The following SPECC1L variants were observed in gnomAD, a reference collection of about 807,000 sequenced individuals.
SPECC1L encodes sperm antigen with calponin homology and coiled-coil domains 1 like.
SPECC1L carries 40 observed loss-of-function variants against 116.8 expected under a neutral mutation model. The ratio of observed to expected loss-of-function variants is 0.34; its 90% confidence interval spans 0.27 to 0.45. The LOEUF (loss-of-function observed/expected upper bound fraction) is 0.45, where lower values mean the gene tolerates loss of function less well. SPECC1L is among the 20% of genes least tolerant of loss of function. The pLI is 1.00. For missense variants in SPECC1L, 1,110 were observed against 1,373.6 expected (o/e 0.81, Z 3.03); for synonymous variants, 504 against 500.6 (o/e 1.01, Z -0.09).
In SPECC1L at chr22:24,321,464, T is replaced by A; in HGVS notation, c.484T>A (p.Cys162Ser). 6.2e-7 allele frequency: 1 copy of A among 1,614,264 alleles called. No homozygotes were observed. Among genetic ancestry groups the A allele is most frequent in the Non-Finnish European group, 8.5e-7 (1 of 1,180,052 alleles). The change falls in exon 5 of 17, where the codon TGT becomes AGT. Residue 162 changes from cysteine (C) to serine (S), a missense_variant. Physicochemically the swap from Cys to Ser is moderately radical, Grantham distance 112 (BLOSUM62 -1). This residue lies in a region of SPECC1L where 437 missense variants were observed against 482.6 expected (regional missense o/e 0.91). Coordinates refer to ENST00000314328, the MANE Select transcript of SPECC1L (RefSeq NM_015330.6). ...KRSRSRTATE[C>S]DVRMSKSKSD... ...TTCCCGCAGTCGAACTGCTACAGAA[T>A]GTGACGTTCGTATGAGCAAGTCTAA... is the stretch of plus-strand genomic sequence containing the variant.
At position 24,322,814 on chromosome 22, in the gene SPECC1L, G is replaced by A. The variant is rs1259281856; in HGVS notation, c.1834G>A (p.Val612Ile). 2 of 1,606,982 alleles carry A rather than the reference G, an allele frequency of 1.2e-6. No homozygotes were observed. The highest frequency in any genetic ancestry group is 3.4e-5 in the Admixed American group (2 of 59,328). Residue 612 changes from valine (V) to isoleucine (I), a missense_variant, in exon 5 of 17, where the codon GTC (valine) becomes ATC (isoleucine). Around this residue, in one of 4 missense-constraint regions of SPECC1L, gnomAD observed 575 missense variants for 682.4 expected, o/e 0.84. Coordinates refer to ENST00000314328, the MANE Select transcript of SPECC1L (RefSeq NM_015330.6). ...TGATATTCAGGACCTCCTGGAGAGT[G>A]TCAGGCTGGACAAAGAAAAAGCAGA... The part of the protein sequence containing the change: ...KSDIQDLLES[V>I]RLDKEKAETL...
At chr22:24,289,964 C>T (rs2049126298) in intron 2 of SPECC1L, among the ~76,000 whole-genome samples, 1 of 152,154 alleles carries the variant, frequency 6.6e-6, no homozygotes, top group Non-Finnish European at 1.5e-5. Context: ...CGGCTCTCTC[C>T]CCTTCACACA....
chr22:24,407,403 C>T (rs1031415898), intron 14 of SPECC1L, among the ~76,000 whole-genome samples: 118 of 152,116 alleles, frequency 7.8e-4, no homozygotes, highest in African/African-American at 2.8e-3. Context: ...CTTGAGGAAG[C>T]GGAGGGGGAA....
At chr22:24,348,277 A>G (rs916287088) in intron 11 of SPECC1L, among the ~76,000 whole-genome samples, 1 of 152,196 alleles carries the variant, frequency 6.6e-6, no homozygotes, top group Non-Finnish European at 1.5e-5. Context: ...ATGTTAGACT[A>G]GAAGGCTTCA....
intron 6 of SPECC1L, among the ~76,000 whole-genome samples, chr22:24,328,042 GT>G (rs1330399338): frequency 6.6e-6 from 1 of 152,178 alleles, no homozygotes; most frequent in African/African-American, 2.4e-5. Context: ...GCCGTAAGCG[GT>G]TTACTTAGTG....
chr22:24,318,730 GGCA>G (rs1160363349), intron 4 of SPECC1L, among the ~76,000 whole-genome samples: 2 of 151,808 alleles, frequency 1.3e-5, no homozygotes. Context: ...GACCAGCTTG[GGCA>G]ACATGCCCAA....
At chr22:24,369,093 A>T in intron 13 of SPECC1L, 125 bp from the exon 14 acceptor site, 2 of 722,776 alleles carry the variant, frequency 2.8e-6, no homozygotes, top group South Asian at 3.1e-5. Context: ...ATGAAAAACT[A>T]TGTCTTGCCT....
chr22:24,325,421 A>G (rs971980705), intron 6 of SPECC1L, among the ~76,000 whole-genome samples: 1 of 152,164 alleles, frequency 6.6e-6, no homozygotes, highest in Admixed American at 6.5e-5. Context: ...CAGAGTAAAA[A>G]CGTAGTCATG....
At chr22:24,336,655 C>A (rs920868724) in intron 9 of SPECC1L, among the ~76,000 whole-genome samples, 3 of 152,030 alleles carry the variant, frequency 2.0e-5, no homozygotes, top group Non-Finnish European at 4.4e-5. Flanking sequence ...AATTATACAC[C>A]TATTCAAAAT....
intron 11 of SPECC1L, among the ~76,000 whole-genome samples, chr22:24,356,039 C>G (rs1296015441): frequency 6.6e-6 from 1 of 152,172 alleles, no homozygotes; most frequent in Non-Finnish European, 1.5e-5. Flanking sequence ...GTTTTTCATC[C>G]CTACAGTTGT....
chr22:24,416,153 G>A lies in SPECC1L; in HGVS notation c.*1530G>A, dbSNP rs907248159. 1.3e-5 allele frequency: 2 copies of A among 152,204 alleles called. No individual in the cohort carries two copies. The highest frequency in any genetic ancestry group is 4.8e-5 in the African/African-American group (2 of 41,436). The allele number at this position is 152,204 out of a possible 1,614,324, so 9.4% of individuals were successfully genotyped here. On this transcript the variant is annotated 3_prime_UTR_variant, in exon 17 of 17. Transcript: ENST00000314328. ...TAGAATAGGAGTTTAACGTGTCTAC[G>A]TAACCTAGAATGTGGTTATTAGGAA...
At chr22:24,298,273 A>G (rs1035291287) in intron 2 of SPECC1L, among the ~76,000 whole-genome samples, 4 of 152,188 alleles carry the variant, frequency 2.6e-5, no homozygotes, top group Non-Finnish European at 5.9e-5. Flanking sequence ...AGTGTATTAA[A>G]TGCATTTTTG....
rs943421752 is a variant in SPECC1L, at chr22:24,417,167, C to A, written c.*2544C>A. On this transcript the variant is annotated 3_prime_UTR_variant, in exon 17 of 17. Transcript: ENST00000314328. ...GGGCCAGTCGCGTTTCTATTTCTCT[C>A]GATCCCAGGCTTCTGCGGACCGACG... 2 of 152,600 alleles carry A rather than the reference C, an allele frequency of 1.3e-5. No homozygotes were observed. The highest frequency in any genetic ancestry group is 2.9e-5 in the Non-Finnish European group (2 of 68,038). The allele number at this position is 152,600 out of a possible 1,614,324, so 9.5% of individuals were successfully genotyped here. A position where few individuals can be genotyped will look rare whatever the true frequency, so the allele number is the denominator to read the frequency against.
intron 7 of SPECC1L, among the ~76,000 whole-genome samples, chr22:24,329,665 C>T (rs1429904735): frequency 3.3e-5 from 5 of 152,306 alleles, no homozygotes; most frequent in East Asian, 1.9e-4. Context: ...CTTCCCCACC[C>T]GGCCACACCC....
chr22:24,322,042 G>A lies in SPECC1L; in HGVS notation c.1062G>A (p.Gln354=). The A allele has an allele frequency of 6.2e-7, 1 of 1,614,184 alleles. No homozygotes were observed. Among genetic ancestry groups the A allele is most frequent in the Non-Finnish European group, 8.5e-7 (1 of 1,180,028 alleles). ...ACAGTGAGTGCAGTGAGGTCTACCA[G>A]CCCCTCACATCGAGCGATGATGCGC... ...NLDSECSEVY[Q]PLTSSDDALD... is the part of the protein sequence containing the mutation. The change falls in exon 5 of 17, where the codon CAG becomes CAA. Residue 354 remains glutamine, a synonymous_variant. Transcript: ENST00000314328.
At chr22:24,289,192 C>T (rs1365774324) in intron 2 of SPECC1L, among the ~76,000 whole-genome samples, 2 of 152,128 alleles carry the variant, frequency 1.3e-5, no homozygotes, top group Non-Finnish European at 2.9e-5. Context: ...TATTCAGAAA[C>T]TTTGGCTAAG....
At chr22:24,340,746 A>G (rs1407639390) in intron 10 of SPECC1L, among the ~76,000 whole-genome samples, 2 of 152,182 alleles carry the variant, frequency 1.3e-5, no homozygotes, top group Non-Finnish European at 1.5e-5. Context: ...GTATATAAAA[A>G]TCATGTGGAG....
chr22:24,275,013 T>A (rs953887715), intron 1 of SPECC1L, among the ~76,000 whole-genome samples: 2 of 152,222 alleles, frequency 1.3e-5, no homozygotes, highest in Non-Finnish European at 2.9e-5. Context: ...TTCATGTCCC[T>A]TGTTTTCCTC....
At chr22:24,353,732 A>T (rs564251832) in intron 11 of SPECC1L, among the ~76,000 whole-genome samples, 2 of 152,170 alleles carry the variant, frequency 1.3e-5, no homozygotes, top group Non-Finnish European at 1.5e-5. Context: ...AATGGAAGGG[A>T]TACTGCAGAG....
Sources: allele counts gnomAD v4.1 joint callset (sites outside exome capture counted in the v4.1 genomes callset), GRCh38; gene constraint gnomAD v4.1.1; regional missense constraint gnomAD v4.1.1; transcripts MANE v1.5; gene names NCBI Gene and HGNC (gene_info 2026-07-23, HGNC 2026-07-21).